BEND4: variants seen among roughly 807,000 people sequenced by gnomAD.
BEND4 encodes BEN domain containing 4, also known as BEN domain-containing protein 4.
BEND4 carries 27 observed loss-of-function variants against 54.7 expected under a neutral mutation model. The ratio of observed to expected loss-of-function variants is 0.49; its 90% confidence interval spans 0.36 to 0.68. The LOEUF is 0.68. Among genes scored for constraint, BEND4 ranks in the 30% least tolerant of loss-of-function variants. BEND4 has a pLI of 0.00. For synonymous variants in BEND4, 327 were observed against 299.5 expected (o/e 1.09, Z -0.95); for missense variants, 702 against 697.2 (o/e 1.01, Z -0.08).
At chr4:42,150,132 T>C (rs1721212206) in intron 2 of BEND4, among the ~76,000 whole-genome samples, 1 of 151,722 alleles carries the variant, frequency 6.6e-6, no homozygotes, top group Non-Finnish European at 1.5e-5. Context: ...AACACATGCC[T>C]GAACAAGAAG....
chr4:42,151,913 C>T lies in BEND4; in HGVS notation c.231G>A (p.Pro77=). 8.0e-7 allele frequency: 1 copy of T among 1,254,696 alleles called. No individual in the cohort carries two copies. Among genetic ancestry groups the T allele is most frequent in the Non-Finnish European group, 1.0e-6 (1 of 1,001,568 alleles). 77.7% of individuals were successfully genotyped at this position (1,254,696 alleles called of 1,614,324 possible). Residue 77 remains proline (P), a synonymous_variant, in exon 2 of 6, where the codon CCG becomes CCA. Transcript: ENST00000502486. ...AGGAGCTCTGCGCCTGGAACTGCTG[C>T]GGCGGCGGCTCGCTGCTGCTGATGG... ...AVSISSSEPP[P]QQFQAQSSYP...
At chr4:42,148,971 A>C (rs1721167422) in intron 2 of BEND4, among the ~76,000 whole-genome samples, 1 of 152,228 alleles carries the variant, frequency 6.6e-6, no homozygotes, top group South Asian at 2.1e-4. Context: ...ATTTTTAATC[A>C]CATATTTCTC....
chr4:42,136,606 CTT>C (rs1720707206), intron 3 of BEND4, among the ~76,000 whole-genome samples: 1 of 152,240 alleles, frequency 6.6e-6, no homozygotes, highest in Non-Finnish European at 1.5e-5. Context: ...GCTTTGCATT[CTT>C]GTTTCAGCTC....
intron 3 of BEND4, among the ~76,000 whole-genome samples, chr4:42,129,297 T>C (rs1239886718): frequency 6.6e-6 from 1 of 152,098 alleles, no homozygotes; most frequent in Non-Finnish European, 1.5e-5. Context: ...ATGGAAAAAC[T>C]ATTCCATGCT....
rs1241803502 is a variant in BEND4, at chr4:42,114,153, G to C, written c.*3365C>G. 4 of 152,194 alleles carry C rather than the reference G, an allele frequency of 2.6e-5. No individual in the cohort carries two copies. Among genetic ancestry groups the C allele is most frequent in the African/African-American group, 9.7e-5 (4 of 41,444 alleles). 9.4% of individuals were successfully genotyped at this position (152,194 alleles called of 1,614,324 possible). On this transcript the variant is annotated 3_prime_UTR_variant, in exon 6 of 6. Coordinates refer to ENST00000502486, the MANE Select transcript of BEND4 (RefSeq NM_207406.4). ...GCACCGTCAAGAGTCAGTGAGAAATGTGACTTTAGTAACTGCTTGCAAAAT... is the reference window on the plus strand; with the variant it reads ...GCACCGTCAAGAGTCAGTGAGAAATCTGACTTTAGTAACTGCTTGCAAAAT...
chr4:42,151,591 C>G, intron 2 of BEND4, 66 bp downstream of exon 2: 1 of 1,399,744 alleles, frequency 7.1e-7, no homozygotes, highest in Non-Finnish European at 9.2e-7. Context: ...CCCGCTTCTC[C>G]TTCCTGGGTC....
chr4:42,145,351 G>A (rs1047877058), intron 2 of BEND4, among the ~76,000 whole-genome samples: 2 of 152,112 alleles, frequency 1.3e-5, no homozygotes, highest in Non-Finnish European at 2.9e-5. Context: ...AACTAAGATA[G>A]TCAGAGGAGA....
Position 42,151,734 on chromosome 4 carries a change from C to G in BEND4, c.410G>C (p.Arg137Thr). 2 of 1,504,036 alleles carry G rather than the reference C, an allele frequency of 1.3e-6. No individual in the cohort carries two copies. Among genetic ancestry groups the G allele is most frequent in the Admixed American group, 2.2e-5 (1 of 46,250 alleles). The allele number at this position is 1,504,036 out of a possible 1,614,324, so 93.2% of individuals were successfully genotyped here. A position where few individuals can be genotyped will look rare whatever the true frequency, so the allele number is the denominator to read the frequency against. ...SSSSSFAAVV[R>T]YGPGAAAAAG... ...GGCCGCCGCCGCGCCTGGGCCATAC[C>G]TGACGACAGCGGCGAACGAAGACGA... The change falls in exon 2 of 6, where the codon AGG becomes ACG. Residue 137 changes from arginine to threonine, a missense_variant. Transcript: ENST00000502486.
Position 42,112,848 on chromosome 4 carries a change from A to C in BEND4, c.*4670T>G, listed in dbSNP as rs1200129512. The C allele has an allele frequency of 6.6e-6, 1 of 152,162 alleles. No individual in the cohort carries two copies. Among genetic ancestry groups the C allele is most frequent in the African/African-American group, 2.4e-5 (1 of 41,430 alleles). The allele number at this position is 152,162 out of a possible 1,614,324, so 9.4% of individuals were successfully genotyped here. ...ATTCTTCACTCTCCTCTAAAAAAAA[A>C]ACAAAAACCCAACATAAATAAAAGA... is the stretch of plus-strand genomic sequence containing the variant. On this transcript the variant is annotated 3_prime_UTR_variant, in exon 6 of 6. Transcript: ENST00000502486.
At chr4:42,141,434 G>A (rs1720876236) in intron 3 of BEND4, among the ~76,000 whole-genome samples, 1 of 152,200 alleles carries the variant, frequency 6.6e-6, no homozygotes, top group Admixed American at 6.5e-5. Flanking sequence ...ACTAGGCAAA[G>A]AATATAGCTT....
At chr4:42,123,712 A>C (rs7663490) in intron 4 of BEND4, among the ~76,000 whole-genome samples, 9 of 116,412 alleles carry the variant, frequency 7.7e-5, no homozygotes, top group South Asian at 2.5e-4. Flanking sequence ...AAAAAAAAAA[A>C]AAAAACAACT....
chr4:42,147,796 G>C (rs1365621505), intron 2 of BEND4, among the ~76,000 whole-genome samples: 1 of 152,032 alleles, frequency 6.6e-6, no homozygotes, highest in Non-Finnish European at 1.5e-5. Context: ...CTGAATTTAA[G>C]AGGTTTAATC....
chr4:42,136,450 G>T (rs1720701000), intron 3 of BEND4, among the ~76,000 whole-genome samples: 2 of 152,164 alleles, frequency 1.3e-5, no homozygotes, highest in African/African-American at 4.8e-5. Flanking sequence ...CATGGATTCG[G>T]TATTTGCAAA....
intron 3 of BEND4, 71 bp from the exon 4 acceptor site, chr4:42,125,745 G>GTTTT: frequency 8.5e-6 from 7 of 824,166 alleles, no homozygotes; most frequent in Non-Finnish European, 1.2e-5. Context: ...ATTTTTTAAA[G>GTTTT]TTTTTTTTTT....
chr4:42,146,516 T>C (rs1211875377), intron 2 of BEND4, among the ~76,000 whole-genome samples: 1 of 152,212 alleles, frequency 6.6e-6, no homozygotes, highest in Non-Finnish European at 1.5e-5. Context: ...TTATTTACAA[T>C]GGCCAAAACC....
intron 2 of BEND4, chr4:42,151,042 G>C (rs1721253031): frequency 6.6e-6 from 1 of 152,178 alleles, no homozygotes; most frequent in African/African-American, 2.4e-5. Context: ...CAACCAAGGG[G>C]TGGGAAGGAA....
At chr4:42,146,002 G>T (rs776693729) in intron 2 of BEND4, among the ~76,000 whole-genome samples, 2 of 152,196 alleles carry the variant, frequency 1.3e-5, no homozygotes, top group Non-Finnish European at 2.9e-5. Flanking sequence ...TAGGCTGGTT[G>T]AGAGTCCACA....
intron 3 of BEND4, among the ~76,000 whole-genome samples, chr4:42,139,810 C>G (rs1355061409): frequency 6.6e-6 from 1 of 152,106 alleles, no homozygotes; most frequent in African/African-American, 2.4e-5. Flanking sequence ...AGAAGAAAGC[C>G]CCAGGTCCTT....
chr4:42,151,591 C>T (rs1023839604), intron 2 of BEND4, 66 bp downstream of exon 2: 24 of 1,399,628 alleles, frequency 1.7e-5, no homozygotes, highest in Non-Finnish European at 2.1e-5. Flanking sequence ...CCCGCTTCTC[C>T]TTCCTGGGTC....
Sources: gnomAD v4.1 joint callset for allele counts (sites outside exome capture counted in the v4.1 genomes callset) on GRCh38, gnomAD v4.1.1 for gene constraint, MANE v1.5 for transcripts, NCBI Gene and HGNC (gene_info 2026-07-23, HGNC 2026-07-21) for gene names.